Variants in SLCO3A1 observed in about 807,000 individuals in gnomAD.
The protein encoded by SLCO3A1 is PGE1 transporter.
SLCO3A1 carries 27 observed loss-of-function variants against 63.1 expected under a neutral mutation model. The observed-to-expected ratio is 0.43, with a 90% CI of 0.32 to 0.59. SLCO3A1 has a LOEUF of 0.59. Among genes scored for constraint, SLCO3A1 ranks in the 20% least tolerant of loss-of-function variants. The pLI, the probability that SLCO3A1 is intolerant of heterozygous loss-of-function variation, is 0.09. For missense variants in SLCO3A1, 773 were observed against 945.8 expected (o/e 0.82, Z 2.40); for synonymous variants, 473 against 409.9 (o/e 1.15, Z -1.86).
intron 1 of SLCO3A1, among the ~76,000 whole-genome samples, chr15:91,891,208 C>T (rs1190072399): frequency 6.6e-6 from 1 of 151,684 alleles, no homozygotes; most frequent in East Asian, 1.9e-4. Context: ...TTGTGATGGA[C>T]CATTCAAATC....
intron 2 of SLCO3A1, among the ~76,000 whole-genome samples, chr15:92,093,410 G>A (rs543730456): frequency 3.3e-5 from 5 of 152,230 alleles, no homozygotes; most frequent in South Asian, 2.1e-4. Context: ...CCAAGGGGGC[G>A]GTGCTGAGCC....
intron 2 of SLCO3A1, among the ~76,000 whole-genome samples, chr15:92,017,284 T>G (rs2046448984): frequency 1.4e-5 from 2 of 139,032 alleles, no homozygotes; most frequent in East Asian, 2.0e-4. Flanking sequence ...GGAGCTGGGA[T>G]TGGGGGGGGG....
chr15:92,137,536 G>A (rs2048075036), intron 7 of SLCO3A1, among the ~76,000 whole-genome samples: 1 of 105,808 alleles, frequency 9.5e-6, no homozygotes, highest in South Asian at 2.7e-4. Flanking sequence ...CTAGATCCCT[G>A]AGGAATTGCC....
At chr15:92,018,147 G>C in intron 2 of SLCO3A1, among the ~76,000 whole-genome samples, 1 of 152,204 alleles carries the variant, frequency 6.6e-6, no homozygotes, top group Non-Finnish European at 1.5e-5. Flanking sequence ...CAGATGTGAG[G>C]CCAGGCCTTG....
chr15:92,022,027 C>T (rs142741413), intron 2 of SLCO3A1, among the ~76,000 whole-genome samples: 261 of 152,316 alleles, frequency 1.7e-3, no homozygotes, highest in African/African-American at 6.1e-3. Context: ...TAGATTCAGC[C>T]AGAAGGTGTA....
At chr15:92,050,724 C>G (rs1156579766) in intron 2 of SLCO3A1, among the ~76,000 whole-genome samples, 1 of 152,160 alleles carries the variant, frequency 6.6e-6, no homozygotes, top group East Asian at 1.9e-4. Context: ...AGGTCACGTC[C>G]CTGCTTAAAA....
At chr15:92,053,117 C>A (rs992153617) in intron 2 of SLCO3A1, among the ~76,000 whole-genome samples, 2 of 152,062 alleles carry the variant, frequency 1.3e-5, no homozygotes, top group African/African-American at 4.8e-5. Context: ...TCATTGAGTG[C>A]CTGCTATGTG....
At chr15:92,123,935 G>A (rs1286137748) in intron 5 of SLCO3A1, among the ~76,000 whole-genome samples, 1 of 152,214 alleles carries the variant, frequency 6.6e-6, no homozygotes, top group Non-Finnish European at 1.5e-5. Flanking sequence ...GTGCTTGGCA[G>A]GAGGCACCTT....
At chr15:91,966,424 A>G (rs1259082887) in intron 2 of SLCO3A1, among the ~76,000 whole-genome samples, 1 of 152,236 alleles carries the variant, frequency 6.6e-6, no homozygotes, top group Admixed American at 6.5e-5. Flanking sequence ...ATGTATCATC[A>G]GTACCAGCAT....
rs141879051 is a variant in SLCO3A1 at position 92,027,985 on chromosome 15, G to A, written c.647-66896G>A. Among the ~76,000 whole-genome samples, 1,513 of 152,294 alleles carry A rather than the reference G, an allele frequency of 9.9e-3. 12 individuals are homozygous for A. Among genetic ancestry groups the A allele is most frequent in the Non-Finnish European group, 0.016 (1,089 of 68,028 alleles). Reference sequence around the variant, plus strand: ...CTGCACTGACTCCTCTGATCACAGCGTTCGGCTCAATCTGCACAAACCATG... The same window carrying A: ...CTGCACTGACTCCTCTGATCACAGCATTCGGCTCAATCTGCACAAACCATG... On this transcript the variant is annotated intron_variant, in intron 2 of 9. Coordinates refer to ENST00000318445, the MANE Select transcript of SLCO3A1 (RefSeq NM_013272.4).
chr15:92,075,010 A>G lies in SLCO3A1; in HGVS notation c.647-19871A>G, dbSNP rs144792253. ...TGGGGACTCTCCAGTCTGCCTTCCT[A>G]TCACCCAGCAGGAATGCCCTTCCCT... On this transcript the variant is annotated intron_variant, in intron 2 of 9. Transcript: ENST00000318445. 3.6e-3 allele frequency among the ~76,000 whole-genome samples: 552 copies of G among 152,156 alleles called. 6 individuals are homozygous for G. The highest frequency in any genetic ancestry group is 0.012 in the African/African-American group (512 of 41,514).
intron 2 of SLCO3A1, among the ~76,000 whole-genome samples, chr15:91,952,305 G>T (rs951353001): frequency 6.6e-6 from 1 of 152,178 alleles, no homozygotes; most frequent in Non-Finnish European, 1.5e-5. Context: ...GTCATCCTGT[G>T]GGTTGCCTTA....
At chr15:92,025,367 G>GT (rs1480965183) in intron 2 of SLCO3A1, among the ~76,000 whole-genome samples, 1 of 152,104 alleles carries the variant, frequency 6.6e-6, no homozygotes, top group Non-Finnish European at 1.5e-5. Context: ...ACTTCATAGG[G>GT]TTCTTGAGAG....
Position 92,007,704 on chromosome 15 carries a change from G to C in SLCO3A1, c.647-87177G>C, listed in dbSNP as rs538394856. ...AAATTAGAAGAACTGGAGAGGGCGT[G>C]GAGGAAGGAAAGTAGTATACTTCTT... On this transcript the variant is annotated intron_variant, in intron 2 of 9. Coordinates refer to ENST00000318445, the MANE Select transcript of SLCO3A1 (RefSeq NM_013272.4). Among the ~76,000 whole-genome samples the C allele has an allele frequency of 2.0e-5, 3 of 152,234 alleles. No homozygotes were observed. The East Asian group carries it at 5.8e-4, about 29-fold the overall frequency.
intron 2 of SLCO3A1, among the ~76,000 whole-genome samples, chr15:91,975,773 G>A (rs954790016): frequency 6.6e-6 from 1 of 152,204 alleles, no homozygotes; most frequent in African/African-American, 2.4e-5. Flanking sequence ...GCCACCCAGT[G>A]GTGGACGCTC....
Position 92,008,129 on chromosome 15 carries a change from T to C in SLCO3A1, c.647-86752T>C, listed in dbSNP as rs79486556. On this transcript the variant is annotated intron_variant, in intron 2 of 9. Transcript: ENST00000318445. ...CATACTTGGTCCCTAAATGACCCACTAGCAAAACTGAAAGACCTTTTTTTC... is the reference window on the plus strand; with the variant it reads ...CATACTTGGTCCCTAAATGACCCACCAGCAAAACTGAAAGACCTTTTTTTC... 7.2e-4 allele frequency among the ~76,000 whole-genome samples: 109 copies of C among 152,348 alleles called. No homozygotes were observed. In the East Asian group the frequency reaches 0.019, roughly 26 times the overall value.
intron 2 of SLCO3A1, among the ~76,000 whole-genome samples, chr15:92,063,403 T>C (rs570382539): frequency 6.6e-6 from 1 of 152,304 alleles, no homozygotes; most frequent in Non-Finnish European, 1.5e-5. Flanking sequence ...CTGCCACCTG[T>C]TAGCCAAGTG....
At chr15:91,993,600 G>A (rs2151446387) in intron 2 of SLCO3A1, among the ~76,000 whole-genome samples, 1 of 152,220 alleles carries the variant, frequency 6.6e-6, no homozygotes, top group East Asian at 1.9e-4. Flanking sequence ...TTAGAATGCA[G>A]GCATAGTGAA....
Position 91,901,341 on chromosome 15 carries a change from A to G in SLCO3A1, c.181-14652A>G, listed in dbSNP as rs186703806. The stretch of plus-strand genomic sequence containing the variant: ...CTTATAAATGAAGTGTTATGGTTCT[A>G]TGCAATCTAATGCCTTTTAAAGAAG... On this transcript the variant is annotated intron_variant, in intron 1 of 9. Coordinates refer to ENST00000318445, the MANE Select transcript of SLCO3A1 (RefSeq NM_013272.4). Among the ~76,000 whole-genome samples the G allele has an allele frequency of 6.6e-5, 10 of 152,364 alleles. No homozygotes were observed. The South Asian group carries it at 1.0e-3, about 16-fold the overall frequency.
Sources: gnomAD v4.1 joint callset for allele counts (sites outside exome capture counted in the v4.1 genomes callset) on GRCh38, gnomAD v4.1.1 for gene constraint, MANE v1.5 for transcripts, NCBI Gene and HGNC (gene_info 2026-07-23, HGNC 2026-07-21) for gene names.